The following PAX5 variants were observed in gnomAD, a reference collection of about 807,000 sequenced individuals.
PAX5 encodes the protein paired box protein Pax-5.
Under a neutral mutation model 43.7 loss-of-function variants are expected in PAX5, and 9 were observed. The observed-to-expected ratio is 0.21, with a 90% CI of 0.12 to 0.36. The LOEUF is 0.36. PAX5 is among the 10% of genes least tolerant of loss of function. PAX5 has a pLI of 1.00. For synonymous variants in PAX5, 228 were observed against 214.3 expected, an observed-to-expected ratio of 1.06 and a Z score of -0.56; for missense variants, 383 against 532.7, an observed-to-expected ratio of 0.72 and a Z score of 2.77.
chr9:37,027,633 C>G (rs1840544619), intron 1 of PAX5, among the ~76,000 whole-genome samples: 1 of 152,024 alleles, frequency 6.6e-6, no homozygotes, highest in African/African-American at 2.4e-5. Context: ...CGCTAGCCCT[C>G]CGCCTGCTCG....
At chr9:36,865,850 T>A (rs1219970924) in intron 8 of PAX5, among the ~76,000 whole-genome samples, 1 of 152,188 alleles carries the variant, frequency 6.6e-6, no homozygotes, top group Non-Finnish European at 1.5e-5. Context: ...AAAAGTGAGC[T>A]CCCACCTCCT....
intron 5 of PAX5, among the ~76,000 whole-genome samples, chr9:36,993,327 C>G (rs919764818): frequency 9.9e-5 from 15 of 152,208 alleles, no homozygotes; most frequent in African/African-American, 3.6e-4. Context: ...AAACTTTCAT[C>G]CATTTTAATT....
intron 7 of PAX5, among the ~76,000 whole-genome samples, chr9:36,909,667 C>T (rs10973123): frequency 0.22 from 34,163 of 151,950 alleles, 4,862 homozygotes; most frequent in East Asian, 0.5. Flanking sequence ...GATGAAGCTG[C>T]CAGGTGGGGT....
At chr9:37,020,103 T>C (rs1482415765) in intron 2 of PAX5, among the ~76,000 whole-genome samples, 1 of 151,444 alleles carries the variant, frequency 6.6e-6, no homozygotes, top group Non-Finnish European at 1.5e-5. Context: ...TTTGGGTTTT[T>C]TTTTTTTCCT....
chr9:36,901,654 G>T (rs904432987), intron 7 of PAX5, among the ~76,000 whole-genome samples: 2 of 152,112 alleles, frequency 1.3e-5, no homozygotes, highest in African/African-American at 4.8e-5. Context: ...GGGGGTCTGG[G>T]ATTGGAGCCC....
intron 8 of PAX5, among the ~76,000 whole-genome samples, chr9:36,862,144 C>CAG (rs572883290): frequency 0.01 from 1,530 of 152,220 alleles, 25 homozygotes; most frequent in African/African-American, 0.035. Context: ...GATCTTGGGC[C>CAG]TCTCTACCTC....
At chr9:36,986,390 C>A (rs1022282270) in intron 5 of PAX5, among the ~76,000 whole-genome samples, 2 of 149,770 alleles carry the variant, frequency 1.3e-5, no homozygotes, top group Admixed American at 1.3e-4. Flanking sequence ...CGCCGGCCGC[C>A]GATTAGTTTT....
At chr9:36,964,490 G>T (rs1834243404) in intron 6 of PAX5, among the ~76,000 whole-genome samples, 1 of 151,602 alleles carries the variant, frequency 6.6e-6, no homozygotes, top group South Asian at 2.1e-4. Context: ...TACTCAGGAG[G>T]CTGAGGCAGG....
At chr9:36,959,788 G>A (rs996557880) in intron 6 of PAX5, among the ~76,000 whole-genome samples, 2 of 152,230 alleles carry the variant, frequency 1.3e-5, no homozygotes, top group African/African-American at 4.8e-5. Flanking sequence ...TGCAACTGGG[G>A]GGTACCCCAA....
intron 6 of PAX5, among the ~76,000 whole-genome samples, chr9:36,964,872 T>C (rs1834284475): frequency 6.6e-6 from 1 of 152,184 alleles, no homozygotes; most frequent in South Asian, 2.1e-4. Flanking sequence ...GTCACTCGAC[T>C]TGTAAGAGAA....
chr9:36,983,815 G>A (rs1025227898), intron 5 of PAX5, among the ~76,000 whole-genome samples: 5 of 152,060 alleles, frequency 3.3e-5, no homozygotes, highest in African/African-American at 7.3e-5. Context: ...ATTCCAAGGC[G>A]CCTCCAGTTC....
chr9:36,880,472 A>G (rs979724823), intron 8 of PAX5, among the ~76,000 whole-genome samples: 1 of 152,260 alleles, frequency 6.6e-6, no homozygotes, highest in African/African-American at 2.4e-5. Context: ...GGCTCTCCCC[A>G]GTGCATGGGA....
At position 36,944,378 on chromosome 9, in the gene PAX5, G is replaced by A. The variant is rs186676655; in HGVS notation, c.781-20894C>T. Among the ~76,000 whole-genome samples, 5 of 152,176 alleles carry A rather than the reference G, an allele frequency of 3.3e-5. No homozygotes were observed. In the East Asian group the frequency reaches 7.7e-4, roughly 24 times the overall value. On this transcript the variant is annotated intron_variant, in intron 6 of 9. Transcript: ENST00000358127. ...CTTAGCAAGGGCAAATAACCTGCCCGAATCGTGCAGCTGGTAGGTGATGGA... is the reference window on the plus strand; with the variant it reads ...CTTAGCAAGGGCAAATAACCTGCCCAAATCGTGCAGCTGGTAGGTGATGGA...
chr9:37,012,281 A>T (rs1329529180), intron 3 of PAX5, among the ~76,000 whole-genome samples: 2 of 152,196 alleles, frequency 1.3e-5, no homozygotes, highest in Non-Finnish European at 2.9e-5. Context: ...CCTACAGGGC[A>T]GTGGTGGAAA....
chr9:36,982,233 C>T (rs569288830), intron 5 of PAX5, among the ~76,000 whole-genome samples: 6 of 151,990 alleles, frequency 3.9e-5, no homozygotes, highest in East Asian at 3.9e-4. Flanking sequence ...CACTGCACTC[C>T]GGCCTGGGCC....
intron 6 of PAX5, among the ~76,000 whole-genome samples, chr9:36,943,532 A>T (rs72735633): frequency 0.074 from 8,062 of 109,330 alleles, 430 homozygotes; most frequent in African/African-American, 0.18. Flanking sequence ...TTCAACATAC[A>T]CACACACACA....
intron 6 of PAX5, among the ~76,000 whole-genome samples, chr9:36,950,735 C>CTTTTTTTTTTTTTTTTTTTTTTT (rs55801947): frequency 8.6e-6 from 1 of 116,638 alleles, no homozygotes. Context: ...ACTGAGTTTT[C>CTTTTTTTTTTTTTTTTTTTTTTT]TTTTTTTTTT....
At chr9:37,005,369 T>C (rs1454335242) in intron 4 of PAX5, among the ~76,000 whole-genome samples, 2 of 152,250 alleles carry the variant, frequency 1.3e-5, no homozygotes, top group Admixed American at 1.3e-4. Flanking sequence ...AGCAGACACT[T>C]TCTGAAGGGA....
chr9:37,029,489 C>G (rs901836561), intron 1 of PAX5, among the ~76,000 whole-genome samples: 2 of 152,250 alleles, frequency 1.3e-5, no homozygotes, highest in Non-Finnish European at 2.9e-5. Context: ...GTTATCTCTT[C>G]TTTGTCTGGA....
Sources: gnomAD v4.1 joint callset for allele counts (sites outside exome capture counted in the v4.1 genomes callset) on GRCh38, gnomAD v4.1.1 for gene constraint, MANE v1.5 for transcripts, NCBI Gene and HGNC (gene_info 2026-07-23, HGNC 2026-07-21) for gene names.